The following MALRD1 variants were observed in gnomAD, a reference collection of about 807,000 sequenced individuals.
The protein encoded by MALRD1 is MAM and LDL receptor class A domain containing 1, also known as MAM and LDL-receptor class A domain-containing protein 1.
Under a neutral mutation model 242.1 loss-of-function variants are expected in MALRD1, and 247 were observed. That is an observed-to-expected ratio of 1.02 (90% CI 0.92 to 1.13). MALRD1 has a LOEUF of 1.13. Among genes scored for constraint, MALRD1 ranks in the 50% most tolerant of loss-of-function variants. MALRD1 has a pLI of 0.00. For missense variants in MALRD1, 2,989 were observed against 2,533.1 expected (o/e 1.18, Z -3.86); for synonymous variants, 995 against 866.6 (o/e 1.15, Z -2.60).
intron 26 of MALRD1, among the ~76,000 whole-genome samples, chr10:19,371,532 G>T: frequency 6.6e-6 from 1 of 151,414 alleles, no homozygotes; most frequent in Non-Finnish European, 1.5e-5. Context: ...ATCTAGCTGT[G>T]GGTATTACAC....
chr10:19,702,292 A>T (rs757857045), intron 38 of MALRD1, among the ~76,000 whole-genome samples: 1 of 152,002 alleles, frequency 6.6e-6, no homozygotes, highest in Middle Eastern at 3.2e-3. Flanking sequence ...TCCACACCCT[A>T]CTCTTGGGAA....
chr10:19,314,538 T>C (rs937430653), intron 21 of MALRD1, among the ~76,000 whole-genome samples: 1 of 151,644 alleles, frequency 6.6e-6, no homozygotes, highest in Non-Finnish European at 1.5e-5. Flanking sequence ...CGAATACTTA[T>C]GTAAATTTGA....
At chr10:19,454,726 A>ACG (rs34159246) in intron 29 of MALRD1, among the ~76,000 whole-genome samples, 15 of 150,030 alleles carry the variant, frequency 1.0e-4, no homozygotes, top group South Asian at 2.1e-4. Context: ...ACACACACAC[A>ACG]CACACACACA....
At chr10:19,320,561 T>C (rs566050844) in intron 21 of MALRD1, among the ~76,000 whole-genome samples, 9 of 152,290 alleles carry the variant, frequency 5.9e-5, no homozygotes, top group Admixed American at 2.6e-4. Context: ...AGTAGAATGA[T>C]TTATATTCCT....
intron 29 of MALRD1, among the ~76,000 whole-genome samples, chr10:19,464,546 CTCTAT>C (rs542733162): frequency 4.6e-5 from 7 of 152,192 alleles, no homozygotes; most frequent in African/African-American, 1.7e-4. Context: ...TTTATTGGTT[CTCTAT>C]TCTGTTCCAT....
intron 24 of MALRD1, among the ~76,000 whole-genome samples, chr10:19,343,810 CG>C (rs1190827620): frequency 6.6e-6 from 1 of 152,098 alleles, no homozygotes; most frequent in Non-Finnish European, 1.5e-5. Context: ...AGTGTTTCCA[CG>C]TCCTTGTGAT....
chr10:19,198,388 T>G (rs1032098386), intron 14 of MALRD1, among the ~76,000 whole-genome samples: 7 of 152,232 alleles, frequency 4.6e-5, no homozygotes, highest in African/African-American at 1.7e-4. Context: ...AGCAGGCTTG[T>G]ATCACCGCTA....
intron 14 of MALRD1, among the ~76,000 whole-genome samples, chr10:19,181,010 CT>C (rs1459253742): frequency 6.6e-6 from 1 of 152,008 alleles, no homozygotes; most frequent in Non-Finnish European, 1.5e-5. Context: ...ATCCAAAACT[CT>C]TTTAGATACC....
intron 34 of MALRD1, among the ~76,000 whole-genome samples, chr10:19,600,293 C>T (rs946522477): frequency 6.6e-6 from 1 of 152,124 alleles, no homozygotes; most frequent in Non-Finnish European, 1.5e-5. Flanking sequence ...CAACAGTGTT[C>T]CTCAGTTTCT....
At chr10:19,305,754 G>T (rs1375529492) in intron 21 of MALRD1, among the ~76,000 whole-genome samples, 1 of 143,594 alleles carries the variant, frequency 7.0e-6, no homozygotes, top group Non-Finnish European at 1.5e-5. Flanking sequence ...TATACAGAGA[G>T]TATAGTATAT....
At chr10:19,697,759 ATT>A (rs888445283) in intron 38 of MALRD1, among the ~76,000 whole-genome samples, 1 of 151,982 alleles carries the variant, frequency 6.6e-6, no homozygotes, top group Admixed American at 6.6e-5. Context: ...ATTTTCTTTA[ATT>A]TTACATGTTC....
At chr10:19,154,112 T>C (rs931055947) in intron 11 of MALRD1, among the ~76,000 whole-genome samples, 2 of 152,198 alleles carry the variant, frequency 1.3e-5, no homozygotes, top group Non-Finnish European at 2.9e-5. Flanking sequence ...TTACCTGTAG[T>C]TTGGAATTTG....
chr10:19,059,380 G>T (rs1490308461), intron 1 of MALRD1, among the ~76,000 whole-genome samples: 1 of 151,774 alleles, frequency 6.6e-6, no homozygotes, highest in Non-Finnish European at 1.5e-5. Flanking sequence ...AGCATCTATT[G>T]TTTTTGGGGT....
At chr10:19,192,270 T>A (rs1836012565) in intron 14 of MALRD1, among the ~76,000 whole-genome samples, 1 of 152,226 alleles carries the variant, frequency 6.6e-6, no homozygotes, top group African/African-American at 2.4e-5. Flanking sequence ...TGGTGATGGT[T>A]GTGCAACAAT....
chr10:19,447,041 AAC>A (rs10535583), intron 28 of MALRD1, among the ~76,000 whole-genome samples: 84,212 of 148,194 alleles, frequency 0.57, 23,609 homozygotes, highest in Non-Finnish European at 0.61. Flanking sequence ...CTCTGTTAGG[AAC>A]ACACACACAC....
chr10:19,182,803 C>T (rs1835568387), intron 14 of MALRD1, among the ~76,000 whole-genome samples: 1 of 151,928 alleles, frequency 6.6e-6, no homozygotes, highest in South Asian at 2.1e-4. Flanking sequence ...GAAACGATGC[C>T]CTTAGTCTCT....
chr10:19,216,119 CT>C lies in MALRD1; in HGVS notation c.2991+6455del, dbSNP rs753559077. 2.8e-3 allele frequency among the ~76,000 whole-genome samples: 347 copies of C among 122,800 alleles called. 1 individual carries two copies. The highest frequency in any genetic ancestry group is 0.013 in the Middle Eastern group (3 of 230). 80.6% of individuals were successfully genotyped at this position (122,800 alleles called of 152,430 possible). Reference sequence around the variant, plus strand: ...TACTTCTTTCTTTCTTTCTTTCTTTCTTTTTTTTTTTTTTTTGAGACAGCGT... The same window carrying C: ...TACTTCTTTCTTTCTTTCTTTCTTTCTTTTTTTTTTTTTTTGAGACAGCGT... On this transcript the variant is annotated intron_variant, in intron 18 of 39. Transcript: ENST00000454679.
chr10:19,622,079 A>T (rs1326995), intron 36 of MALRD1, among the ~76,000 whole-genome samples: 8,623 of 151,866 alleles, frequency 0.057, 713 homozygotes, highest in African/African-American at 0.19. Context: ...AGAAAACCAT[A>T]AAAAGCACTT....
chr10:19,061,875 G>C (rs1320939238), intron 1 of MALRD1, among the ~76,000 whole-genome samples: 1 of 152,164 alleles, frequency 6.6e-6, no homozygotes, highest in Non-Finnish European at 1.5e-5. Context: ...ATGTGGTAAA[G>C]ATTTATTCAA....
Sources: allele counts gnomAD v4.1 joint callset (sites outside exome capture counted in the v4.1 genomes callset), GRCh38; gene constraint gnomAD v4.1.1; transcripts MANE v1.5; gene names NCBI Gene and HGNC (gene_info 2026-07-23, HGNC 2026-07-21).